MALRD1: variants seen among roughly 807,000 people sequenced by gnomAD.
The protein encoded by MALRD1 is MAM and LDL receptor class A domain containing 1.
MALRD1 carries 247 observed loss-of-function variants against 242.1 expected under a neutral mutation model. That is an observed-to-expected ratio of 1.02 (90% CI 0.92 to 1.13). The LOEUF (loss-of-function observed/expected upper bound fraction) is 1.13, where lower values mean the gene tolerates loss of function less well. MALRD1 is among the 50% of genes most tolerant of loss of function. The probability of loss-of-function intolerance (pLI) is 0.00; values close to 1 mark genes in which losing one functional copy is unlikely to be tolerated. For missense variants in MALRD1, 2,989 were observed against 2,533.1 expected, an observed-to-expected ratio of 1.18 and a Z score of -3.86; for synonymous variants, 995 against 866.6, an observed-to-expected ratio of 1.15 and a Z score of -2.60.
At chr10:19,085,082 A>C (rs1835623082) in intron 2 of MALRD1, among the ~76,000 whole-genome samples, 1 of 151,984 alleles carries the variant, frequency 6.6e-6, no homozygotes, top group African/African-American at 2.4e-5. Flanking sequence ...AGGCTGCTAA[A>C]GGAAGTACAA....
chr10:19,319,880 C>T (rs1564559077), intron 21 of MALRD1, among the ~76,000 whole-genome samples: 2 of 132,972 alleles, frequency 1.5e-5, no homozygotes, highest in African/African-American at 2.8e-5. Context: ...GATAACTATA[C>T]CTTTATAATG....
At chr10:19,275,687 T>A (rs1219951365) in intron 19 of MALRD1, among the ~76,000 whole-genome samples, 3 of 151,786 alleles carry the variant, frequency 2.0e-5, no homozygotes, top group Admixed American at 6.6e-5. Flanking sequence ...AAAATAAAAA[T>A]AAAATAATAA....
At chr10:19,300,732 A>G (rs1439377095) in intron 21 of MALRD1, among the ~76,000 whole-genome samples, 1 of 152,036 alleles carries the variant, frequency 6.6e-6, no homozygotes, top group East Asian at 1.9e-4. Flanking sequence ...AAACACTTAA[A>G]TGTAAAACCT....
At position 19,104,041 on chromosome 10, in the gene MALRD1, T is replaced by TA; in HGVS notation, c.661dup (p.Ile221AsnfsTer12). ...AGGATGAAGTCATTGCTATTGATGA[T>TA]ATATCTTTCAGTTCAGGCTGCTTGC... On this transcript the variant is annotated frameshift_variant, in exon 5 of 40. Coordinates refer to ENST00000454679, the MANE Select transcript of MALRD1 (RefSeq NM_001142308.3). LOFTEE classifies it high-confidence loss of function. The TA allele has an allele frequency of 8.1e-7, 1 of 1,233,882 alleles. No homozygotes were observed. The highest frequency in any genetic ancestry group is 1.0e-6 in the Non-Finnish European group (1 of 988,088). The allele number at this position is 1,233,882 out of a possible 1,614,324, so 76.4% of individuals were successfully genotyped here. A position where few individuals can be genotyped will look rare whatever the true frequency, so the allele number is the denominator to read the frequency against.
intron 29 of MALRD1, among the ~76,000 whole-genome samples, chr10:19,474,179 A>AT (rs377160264): frequency 1.3e-5 from 2 of 151,750 alleles, no homozygotes; most frequent in Non-Finnish European, 2.9e-5. Context: ...TAGTCAGGTT[A>AT]TTTTTTTATT....
intron 11 of MALRD1, among the ~76,000 whole-genome samples, chr10:19,149,271 A>G (rs1833851967): frequency 6.6e-6 from 1 of 152,034 alleles, no homozygotes; most frequent in Non-Finnish European, 1.5e-5. Flanking sequence ...GCACACCACC[A>G]CGCCCAGCTG....
chr10:19,164,647 C>T lies in MALRD1; in HGVS notation c.1657-990C>T, dbSNP rs1406050761. Among the ~76,000 whole-genome samples the T allele has an allele frequency of 2.0e-5, 3 of 152,220 alleles. No individual in the cohort carries two copies. In the East Asian group the frequency reaches 5.8e-4, roughly 29 times the overall value. ...TGTGGGCATATTTTACAGAATGAAT[C>T]ATCCAAACAACATTGAGGGAATTAA... On this transcript the variant is annotated intron_variant, in intron 12 of 39. Coordinates refer to ENST00000454679, the MANE Select transcript of MALRD1 (RefSeq NM_001142308.3).
At chr10:19,162,714 G>T (rs1270959054) in intron 12 of MALRD1, among the ~76,000 whole-genome samples, 1 of 152,136 alleles carries the variant, frequency 6.6e-6, no homozygotes, top group Non-Finnish European at 1.5e-5. Context: ...ACTGTTGATA[G>T]GAGTGTAGAT....
chr10:19,462,720 G>A (rs1836007923), intron 29 of MALRD1, among the ~76,000 whole-genome samples: 1 of 152,186 alleles, frequency 6.6e-6, no homozygotes, highest in African/African-American at 2.4e-5. Context: ...CAGATAAGTT[G>A]ATTATTCTAA....
chr10:19,454,726 A>ACATG (rs1554775439), intron 29 of MALRD1, among the ~76,000 whole-genome samples: 17 of 150,056 alleles, frequency 1.1e-4, no homozygotes, highest in Non-Finnish European at 1.9e-4. Flanking sequence ...ACACACACAC[A>ACATG]CACACACACA....
chr10:19,526,678 T>A (rs981878244), intron 31 of MALRD1, among the ~76,000 whole-genome samples: 4 of 152,114 alleles, frequency 2.6e-5, no homozygotes, highest in African/African-American at 9.7e-5. Flanking sequence ...AGTCCCTTAA[T>A]TAATAATTGG....
intron 10 of MALRD1, among the ~76,000 whole-genome samples, chr10:19,140,025 A>G (rs1254411566): frequency 6.6e-6 from 1 of 152,212 alleles, no homozygotes; most frequent in Admixed American, 6.5e-5. Context: ...GCTAGTCCTT[A>G]AGAGCATCAA....
In MALRD1 at chr10:19,715,152, G is replaced by T. The variant is rs1045753086; in HGVS notation, c.6315-15554G>T. Among the ~76,000 whole-genome samples the T allele has an allele frequency of 5.3e-5, 8 of 151,832 alleles. No individual in the cohort carries two copies. The East Asian group carries it at 7.8e-4, about 15-fold the overall frequency. On this transcript the variant is annotated intron_variant, in intron 38 of 39. Coordinates refer to ENST00000454679, the MANE Select transcript of MALRD1 (RefSeq NM_001142308.3). Reference sequence around the variant, plus strand: ...AATTGAAATTGCTACGAAATTTATTGCTCCTTATTTCCCTATACTGACCAT... The same window carrying T: ...AATTGAAATTGCTACGAAATTTATTTCTCCTTATTTCCCTATACTGACCAT...
chr10:19,529,512 A>G (rs1223156934), intron 31 of MALRD1, among the ~76,000 whole-genome samples: 6 of 144,770 alleles, frequency 4.1e-5, no homozygotes, highest in Non-Finnish European at 6.0e-5. Flanking sequence ...TGAAAAGTTC[A>G]ATTAAAAAAC....
intron 38 of MALRD1, among the ~76,000 whole-genome samples, chr10:19,725,848 A>C (rs1835000184): frequency 6.6e-6 from 1 of 152,218 alleles, no homozygotes; most frequent in East Asian, 1.9e-4. Flanking sequence ...ATGGGGATCA[A>C]ATAGTCTCTT....
chr10:19,411,817 T>C (rs1833286669), intron 28 of MALRD1, among the ~76,000 whole-genome samples: 1 of 152,176 alleles, frequency 6.6e-6, no homozygotes, highest in Non-Finnish European at 1.5e-5. Context: ...GAGAAAATTT[T>C]AATTATAGAG....
Position 19,249,283 on chromosome 10 carries a change from G to C in MALRD1, c.2992-8401G>C, listed in dbSNP as rs974397367. On this transcript the variant is annotated intron_variant, in intron 18 of 39. Coordinates refer to ENST00000454679, the MANE Select transcript of MALRD1 (RefSeq NM_001142308.3). ...AACTGTATAAATGTAGGTAGAAATCGAATTGGAATCCAGGAACTAGGCCAT... is the reference window on the plus strand; with the variant it reads ...AACTGTATAAATGTAGGTAGAAATCCAATTGGAATCCAGGAACTAGGCCAT... Among the ~76,000 whole-genome samples the C allele has an allele frequency of 2.0e-5, 3 of 151,662 alleles. No individual in the cohort carries two copies. In the East Asian group the frequency reaches 5.8e-4, roughly 29 times the overall value.
At chr10:19,707,421 G>A (rs182775428) in intron 38 of MALRD1, among the ~76,000 whole-genome samples, 1 of 152,152 alleles carries the variant, frequency 6.6e-6, no homozygotes, top group African/African-American at 2.4e-5. Context: ...TAACTGATAC[G>A]AACAAGGCAA....
At chr10:19,575,169 A>G (rs1427900751) in intron 33 of MALRD1, among the ~76,000 whole-genome samples, 2 of 152,200 alleles carry the variant, frequency 1.3e-5, no homozygotes, top group Non-Finnish European at 2.9e-5. Context: ...TCTTCAACCA[A>G]ATGCAGATGG....
Sources: gnomAD v4.1 joint callset for allele counts (sites outside exome capture counted in the v4.1 genomes callset) on GRCh38, gnomAD v4.1.1 for gene constraint, MANE v1.5 for transcripts, NCBI Gene and HGNC (gene_info 2026-07-23, HGNC 2026-07-21) for gene names.